SCARA5: variants seen among roughly 807,000 people sequenced by gnomAD.
The protein encoded by SCARA5 is scavenger receptor class A, member 5 (putative).
In SCARA5, 45 loss-of-function variants were observed where a neutral mutation model predicts 46.3. The ratio of observed to expected loss-of-function variants is 0.97; its 90% CI spans 0.76 to 1.24. SCARA5 has a LOEUF of 1.24. Among genes scored for constraint, SCARA5 ranks in the 50% most tolerant of loss-of-function variants. The pLI is 0.00. For synonymous variants in SCARA5, 333 were observed against 306.5 expected, an observed-to-expected ratio of 1.09 and a Z score of -0.90; for missense variants, 680 against 689.0, an observed-to-expected ratio of 0.99 and a Z score of 0.15.
intron 3 of SCARA5, among the ~76,000 whole-genome samples, chr8:27,924,147 C>T (rs1807645396): frequency 6.6e-6 from 1 of 152,138 alleles, no homozygotes; most frequent in African/African-American, 2.4e-5. Flanking sequence ...CACGGCTGTT[C>T]CCCACTCTGC....
At chr8:27,978,551 G>A (rs566345395) in intron 2 of SCARA5, among the ~76,000 whole-genome samples, 37 of 151,476 alleles carry the variant, frequency 2.4e-4, no homozygotes, top group African/African-American at 6.8e-4. Context: ...TCACTCTGTC[G>A]CCCAGGCTGA....
chr8:27,887,020 G>C (rs561930597), intron 7 of SCARA5, among the ~76,000 whole-genome samples: 3 of 152,206 alleles, frequency 2.0e-5, no homozygotes, highest in Non-Finnish European at 2.9e-5. Flanking sequence ...GAAAATGGGA[G>C]ACAGGGATTC....
At chr8:27,913,792 C>T (rs141335722) in intron 4 of SCARA5, among the ~76,000 whole-genome samples, 115 of 152,338 alleles carry the variant, frequency 7.5e-4, no homozygotes, top group South Asian at 1.7e-3. Context: ...CCTGTCAAGG[C>T]CCCTGCAGAT....
At position 27,926,605 on chromosome 8, in the gene SCARA5, A is replaced by G. The variant is rs977535852; in HGVS notation, c.242-4360T>C. On this transcript the variant is annotated intron_variant, in intron 3 of 8. Transcript: ENST00000354914. ...CAAGTATAATAAAAAATTAATAAAT[A>G]AAATAAATTAATAGAAGATGCTCTC... 3.9e-5 allele frequency among the ~76,000 whole-genome samples: 6 copies of G among 152,346 alleles called. No individual in the cohort carries two copies. In the East Asian group the frequency reaches 1.2e-3, roughly 29 times the overall value.
intron 3 of SCARA5, among the ~76,000 whole-genome samples, chr8:27,925,926 A>T (rs1807673473): frequency 6.6e-6 from 1 of 152,228 alleles, no homozygotes; most frequent in Non-Finnish European, 1.5e-5. Flanking sequence ...TTAGAATGGC[A>T]ATCATTAAAA....
At position 27,943,608 on chromosome 8, in the gene SCARA5, G is replaced by A. The variant is rs138556479; in HGVS notation, c.242-21363C>T. On this transcript the variant is annotated intron_variant, in intron 3 of 8. Coordinates refer to ENST00000354914, the MANE Select transcript of SCARA5 (RefSeq NM_173833.6). ...GAGGTGTAAATATCCCACTATGACC[G>A]ACTTCAAGCTACCAACATGACATCA... Among the ~76,000 whole-genome samples, 230 of 152,302 alleles carry A rather than the reference G, an allele frequency of 1.5e-3. 4 individuals are homozygous for A. The highest frequency in any genetic ancestry group is 0.014 in the Admixed American group (212 of 15,302).
intron 4 of SCARA5, among the ~76,000 whole-genome samples, chr8:27,910,942 A>G (rs1189019024): frequency 6.6e-6 from 1 of 152,192 alleles, no homozygotes; most frequent in Non-Finnish European, 1.5e-5. Context: ...ATCTGAGACC[A>G]CACAGGCGGC....
intron 8 of SCARA5, among the ~76,000 whole-genome samples, chr8:27,876,706 G>T (rs1220587099): frequency 6.6e-6 from 1 of 152,182 alleles, no homozygotes; most frequent in Non-Finnish European, 1.5e-5. Flanking sequence ...AGAGCTGGGG[G>T]TGACTGAAGC....
At chr8:27,914,895 G>C (rs994543223) in intron 4 of SCARA5, among the ~76,000 whole-genome samples, 1 of 152,208 alleles carries the variant, frequency 6.6e-6, no homozygotes, top group African/African-American at 2.4e-5. Flanking sequence ...CTGGGGATCA[G>C]CCAATGAGGG....
At chr8:27,984,122 C>T (rs907625242) in intron 2 of SCARA5, among the ~76,000 whole-genome samples, 1 of 152,114 alleles carries the variant, frequency 6.6e-6, no homozygotes, top group Non-Finnish European at 1.5e-5. Context: ...CCTGGCCCCA[C>T]CCTTTCCTCT....
At chr8:27,917,666 G>T (rs1175516083) in intron 4 of SCARA5, among the ~76,000 whole-genome samples, 2 of 152,174 alleles carry the variant, frequency 1.3e-5, no homozygotes, top group African/African-American at 4.8e-5. Context: ...TGGGCAATAA[G>T]ACCTTTTTGC....
intron 7 of SCARA5, among the ~76,000 whole-genome samples, chr8:27,893,301 G>T (rs1399012622): frequency 6.6e-6 from 1 of 152,144 alleles, no homozygotes; most frequent in Non-Finnish European, 1.5e-5. Flanking sequence ...ATGCAAACTG[G>T]ATGTTATTTG....
At chr8:27,981,701 C>T (rs1175455582) in intron 2 of SCARA5, among the ~76,000 whole-genome samples, 1 of 152,212 alleles carries the variant, frequency 6.6e-6, no homozygotes, top group African/African-American at 2.4e-5. Context: ...CAAGCCACTC[C>T]CATCTTATAG....
intron 3 of SCARA5, among the ~76,000 whole-genome samples, chr8:27,938,207 G>A (rs1377103214): frequency 1.3e-5 from 2 of 152,152 alleles, no homozygotes; most frequent in African/African-American, 4.8e-5. Context: ...TGCCACCCTT[G>A]GCTAACACAC....
At chr8:27,990,311 C>T (rs894688889) in intron 1 of SCARA5, among the ~76,000 whole-genome samples, 92 of 152,120 alleles carry the variant, frequency 6.0e-4, no homozygotes, top group African/African-American at 2.0e-3. Context: ...TTGAAACCTA[C>T]GCATGTTCTG....
chr8:27,900,069 C>T (rs796867335), intron 7 of SCARA5, among the ~76,000 whole-genome samples: 8 of 151,758 alleles, frequency 5.3e-5, no homozygotes, highest in South Asian at 2.1e-4. Flanking sequence ...ACCCAGGAGG[C>T]GGAGGTTGCA....
chr8:27,989,922 G>C (rs1456233713), intron 1 of SCARA5, among the ~76,000 whole-genome samples: 1 of 152,244 alleles, frequency 6.6e-6, no homozygotes, highest in African/African-American at 2.4e-5. Context: ...CACTCCTTGC[G>C]GGGCTGTGAA....
intron 2 of SCARA5, among the ~76,000 whole-genome samples, chr8:27,976,849 T>C (rs1255549976): frequency 2.6e-5 from 4 of 152,058 alleles, no homozygotes; most frequent in Non-Finnish European, 4.4e-5. Context: ...CTTTGGGTGC[T>C]CCTCGAAAAA....
At chr8:27,970,984 A>G (rs1003642717) in intron 2 of SCARA5, among the ~76,000 whole-genome samples, 1 of 152,222 alleles carries the variant, frequency 6.6e-6, no homozygotes, top group African/African-American at 2.4e-5. Context: ...GCAATAGATA[A>G]CTAACACACT....
Sources: allele counts gnomAD v4.1 joint callset (sites outside exome capture counted in the v4.1 genomes callset), GRCh38; gene constraint gnomAD v4.1.1; transcripts MANE v1.5; gene names NCBI Gene and HGNC (gene_info 2026-07-23, HGNC 2026-07-21).